NR3C1: variants seen among roughly 807,000 people sequenced by gnomAD.
NR3C1 encodes nuclear receptor subfamily 3 group C member 1, also known as glucocorticoid receptor.
NR3C1 carries 14 observed loss-of-function variants against 74.0 expected under a neutral mutation model. The ratio of observed to expected loss-of-function variants is 0.19; its 90% CI spans 0.12 to 0.30. The LOEUF is 0.30. Ranked by LOEUF, NR3C1 falls within the 10% of genes least tolerant of loss-of-function variation. The pLI is 1.00. For missense variants in NR3C1, 695 were observed against 909.8 expected, an observed-to-expected ratio of 0.76 and a Z score of 3.04; for synonymous variants, 308 against 332.5, an observed-to-expected ratio of 0.93 and a Z score of 0.80.
intron 1 of NR3C1, among the ~76,000 whole-genome samples, chr5:143,402,019 C>A (rs924734910): frequency 5.9e-5 from 9 of 152,170 alleles, no homozygotes; most frequent in African/African-American, 2.2e-4. Flanking sequence ...TAAAAGGTAA[C>A]TTTTCCTATG....
chr5:143,304,151 T>C (rs117977789), intron 4 of NR3C1, among the ~76,000 whole-genome samples: 1 of 152,272 alleles, frequency 6.6e-6, no homozygotes, highest in East Asian at 1.9e-4. Context: ...TATGATTCTA[T>C]ACCTAGAAAA....
intron 2 of NR3C1, among the ~76,000 whole-genome samples, chr5:143,360,975 T>G (rs1832124325): frequency 1.3e-5 from 2 of 152,142 alleles, no homozygotes; most frequent in Admixed American, 6.5e-5. Flanking sequence ...TAAATACAAT[T>G]TCAAACAAAT....
chr5:143,282,126 A>T (rs747545758), intron 8 of NR3C1, 85 bp from the exon 9 acceptor site: 4 of 1,440,782 alleles, frequency 2.8e-6, no homozygotes, highest in Non-Finnish European at 3.9e-6. Context: ...TTTTGAAAAA[A>T]TTATCTGGCC....
At chr5:143,347,291 T>TA (rs2151765923) in intron 2 of NR3C1, among the ~76,000 whole-genome samples, 1 of 152,278 alleles carries the variant, frequency 6.6e-6, no homozygotes, top group East Asian at 1.9e-4. Context: ...TTAATATTTG[T>TA]AAGAACTGAA....
At chr5:143,301,893 T>C (rs1322048635) in intron 4 of NR3C1, among the ~76,000 whole-genome samples, 1 of 152,132 alleles carries the variant, frequency 6.6e-6, no homozygotes, top group Non-Finnish European at 1.5e-5. Context: ...AATGTTAGAA[T>C]AGAATGGTTC....
At chr5:143,386,281 G>T (rs1837204472) in intron 2 of NR3C1, among the ~76,000 whole-genome samples, 1 of 152,124 alleles carries the variant, frequency 6.6e-6, no homozygotes, top group Non-Finnish European at 1.5e-5. Context: ...TTTGGGTGGG[G>T]ATACAGAGCC....
rs61753489 is a variant in NR3C1 at position 143,309,486 on chromosome 5, T to C, written c.1468+611A>G. 7.0e-3 allele frequency among the ~76,000 whole-genome samples: 1,067 copies of C among 152,280 alleles called. 12 individuals are homozygous for C. The highest frequency in any genetic ancestry group is 0.025 in the African/African-American group (1,042 of 41,550). Reference sequence around the variant, plus strand: ...ATTTGGAGCGCTTTGAGGCCTACGGTGGAAAAGGTAATATCTTCACATAAA... The same window carrying C: ...ATTTGGAGCGCTTTGAGGCCTACGGCGGAAAAGGTAATATCTTCACATAAA... On this transcript the variant is annotated intron_variant, in intron 4 of 8. Coordinates refer to ENST00000394464, the MANE Select transcript of NR3C1 (RefSeq NM_000176.3).
At chr5:143,385,763 C>T (rs1394155693) in intron 2 of NR3C1, among the ~76,000 whole-genome samples, 1 of 152,216 alleles carries the variant, frequency 6.6e-6, no homozygotes, top group Admixed American at 6.5e-5. Flanking sequence ...TTGGTCAAAA[C>T]CATTCAACAT....
rs1311933424 is a variant in NR3C1 at position 143,386,616 on chromosome 5, G to A, written c.1184+13040C>T. ...AAATGTGGAGGATAAGGGGAGATGT[G>A]CAGGAAGAAAGAGGAAAGAAAGAAA... On this transcript the variant is annotated intron_variant, in intron 2 of 8. Coordinates refer to ENST00000394464, the MANE Select transcript of NR3C1 (RefSeq NM_000176.3). Among the ~76,000 whole-genome samples, 5 of 152,136 alleles carry A rather than the reference G, an allele frequency of 3.3e-5. No individual in the cohort carries two copies. The South Asian group carries it at 6.2e-4, about 19-fold the overall frequency.
intron 4 of NR3C1, among the ~76,000 whole-genome samples, chr5:143,301,724 G>C: frequency 6.6e-6 from 1 of 152,102 alleles, no homozygotes; most frequent in Non-Finnish European, 1.5e-5. Flanking sequence ...ACGAAGAAAT[G>C]TACTTGTCTA....
intron 7 of NR3C1, among the ~76,000 whole-genome samples, chr5:143,288,050 G>A (rs192946183): frequency 1.3e-5 from 2 of 151,958 alleles, no homozygotes; most frequent in Admixed American, 1.3e-4. Context: ...TAGTATTTTT[G>A]GAAAGAGGAT....
intron 2 of NR3C1, among the ~76,000 whole-genome samples, chr5:143,370,126 T>C (rs1833988887): frequency 6.6e-6 from 1 of 152,228 alleles, no homozygotes; most frequent in Admixed American, 6.5e-5. Flanking sequence ...ATCTTTATAA[T>C]AATAGTCCCT....
chr5:143,373,794 C>T (rs531844531), intron 2 of NR3C1, among the ~76,000 whole-genome samples: 10 of 152,066 alleles, frequency 6.6e-5, no homozygotes, highest in African/African-American at 2.4e-4. Flanking sequence ...GGGGATGTGA[C>T]TGGGAAAGGG....
chr5:143,391,961 TTTC>T (rs1456078095), intron 2 of NR3C1, among the ~76,000 whole-genome samples: 1 of 152,040 alleles, frequency 6.6e-6, no homozygotes, highest in Admixed American at 6.5e-5. Flanking sequence ...TTAATTTTCT[TTTC>T]TTTTTTTTTT....
At chr5:143,388,668 G>A (rs139814719) in intron 2 of NR3C1, among the ~76,000 whole-genome samples, 1 of 152,172 alleles carries the variant, frequency 6.6e-6, no homozygotes, top group Admixed American at 6.5e-5. Context: ...AAATGAGAGA[G>A]TAAACCATGT....
In NR3C1 at chr5:143,381,348, T is replaced by C. The variant is rs571952269; in HGVS notation, c.1184+18308A>G. Reference sequence around the variant, plus strand: ...CATGGATTGGAAGAATCAATATTGTTAAAATGTCCATACTACCCAAAGCAA... The same window carrying C: ...CATGGATTGGAAGAATCAATATTGTCAAAATGTCCATACTACCCAAAGCAA... On this transcript the variant is annotated intron_variant, in intron 2 of 8. Transcript: ENST00000394464. Among the ~76,000 whole-genome samples, 10 of 152,172 alleles carry C rather than the reference T, an allele frequency of 6.6e-5. No individual in the cohort carries two copies. The South Asian group carries it at 2.1e-3, about 32-fold the overall frequency.
chr5:143,399,677 A>T lies in NR3C1; in HGVS notation c.1163T>A (p.Val388Asp), dbSNP rs758527554. 1.9e-6 allele frequency: 3 copies of T among 1,613,828 alleles called. No individual in the cohort carries two copies. Among genetic ancestry groups the T allele is most frequent in the African/African-American group, 2.7e-5 (2 of 74,922 alleles). The change falls in exon 2 of 9, where the codon GTT becomes GAT. Residue 388 changes from valine to aspartate, a missense_variant. Physicochemically the swap from Val to Asp is radical, Grantham distance 152. This residue lies in a region of NR3C1 where 497 missense variants were observed against 489.5 expected (regional missense o/e 1.02). Coordinates refer to ENST00000394464, the MANE Select transcript of NR3C1 (RefSeq NM_000176.3). ...TTACCTTGAATAGCCATTAGAAAAA[A>T]CTGTTCGACCAGGGAAGTTCAGAGT... ...LGTLNFPGRT[V>D]FSNGYSSPSM...
intron 1 of NR3C1, among the ~76,000 whole-genome samples, chr5:143,433,464 A>AATTTATTTATTTACAT (rs1716663293): frequency 6.8e-6 from 1 of 146,472 alleles, no homozygotes; most frequent in Non-Finnish European, 1.5e-5. Context: ...ATATATATAT[A>AATTTATTTATTTACAT]TATATATTTA....
At chr5:143,406,340 T>C (rs72801094), upstream of NR3C1, among the ~76,000 whole-genome samples, 4,553 of 151,590 alleles carry the variant, frequency 0.03, 111 homozygotes, top group Non-Finnish European at 0.042. Context: ...CATTTTTTTT[T>C]CTCTGCAGAT....
Sources: allele counts gnomAD v4.1 joint callset (sites outside exome capture counted in the v4.1 genomes callset), GRCh38; gene constraint gnomAD v4.1.1; regional missense constraint gnomAD v4.1.1; transcripts MANE v1.5; gene names NCBI Gene and HGNC (gene_info 2026-07-23, HGNC 2026-07-21).